Variants in POLE3 observed in about 807,000 individuals in gnomAD.
The protein encoded by POLE3 is DNA polymerase epsilon subunit 3.
POLE3 carries 10 observed loss-of-function variants against 16.1 expected under a neutral mutation model. That is an observed-to-expected ratio of 0.62 (90% confidence interval 0.38 to 1.05). The LOEUF (loss-of-function observed/expected upper bound fraction) is 1.05. Among genes scored for constraint, POLE3 ranks in the 50% least tolerant of loss-of-function variants. The pLI is 0.01. For synonymous variants in POLE3, 83 were observed against 71.0 expected (o/e 1.17, Z -0.85); for missense variants, 169 against 185.0 (o/e 0.91, Z 0.50).
chr9:113,410,027 G>C, intron 3 of POLE3, 28 bp downstream of exon 3: 1 of 1,531,224 alleles, frequency 6.5e-7, no homozygotes, highest in Non-Finnish European at 8.8e-7. Context: ...GTATCCCCGC[G>C]CCTCCCTTAT....
rs373835923 is a variant in POLE3 at position 113,410,340 on chromosome 9, C to G, written c.-47G>C. The stretch of plus-strand genomic sequence containing the variant: ...TCCCCTTCGCCTCCGCTTCAGGGAG[C>G]TACTGCGTCCGGACTTCCCGCGTCG... On this transcript the variant is annotated 5_prime_UTR_variant, in exon 2 of 5. Transcript: ENST00000374171. 9.1e-5 allele frequency: 142 copies of G among 1,564,474 alleles called. 1 individual carries two copies. The highest frequency in any genetic ancestry group is 7.8e-4 in the South Asian group (69 of 88,290).
chr9:113,408,099 G>T lies in POLE3; in HGVS notation c.*712C>A, dbSNP rs1032212052. 6.6e-6 allele frequency: 1 copy of T among 152,392 alleles called. No individual in the cohort carries two copies. The highest frequency in any genetic ancestry group is 1.5e-5 in the Non-Finnish European group (1 of 68,060). 9.4% of individuals were successfully genotyped at this position (152,392 alleles called of 1,614,324 possible). ...CACTATGCCATCTGTTTTTGTAAAAGACACTGGCACCATGTTTGACTAATA... is the reference window on the plus strand; with the variant it reads ...CACTATGCCATCTGTTTTTGTAAAATACACTGGCACCATGTTTGACTAATA... On this transcript the variant is annotated 3_prime_UTR_variant, in exon 5 of 5. Transcript: ENST00000374171.
intron 4 of POLE3, 51 bp from the exon 5 acceptor site, chr9:113,409,034 C>G (rs527675611): frequency 5.2e-6 from 8 of 1,538,844 alleles, no homozygotes; most frequent in Non-Finnish European, 5.4e-6. Context: ...GTGAGCCAGA[C>G]GGACTGCAGG....
At chr9:113,409,332 C>T (rs914913514) in intron 4 of POLE3, among the ~76,000 whole-genome samples, 1 of 131,252 alleles carries the variant, frequency 7.6e-6, no homozygotes, top group Non-Finnish European at 1.5e-5. Context: ...TGCACTCCAG[C>T]TTGGGTGACA....
In POLE3 at chr9:113,410,332, T is replaced by G. The variant is rs753301079; in HGVS notation, c.-39A>C. ...GCTTAAACTCCCCTTCGCCTCCGCT[T>G]CAGGGAGCTACTGCGTCCGGACTTC... On this transcript the variant is annotated 5_prime_UTR_variant, in exon 2 of 5. Coordinates refer to ENST00000374171, the MANE Select transcript of POLE3 (RefSeq NM_017443.5). 1.3e-6 allele frequency: 2 copies of G among 1,590,560 alleles called. No homozygotes were observed. The highest frequency in any genetic ancestry group is 1.7e-6 in the Non-Finnish European group (2 of 1,164,134).
rs1358205850 is a variant in POLE3, at chr9:113,410,152, C to T, written c.67-12G>A. ...ACACCGTCCGGGAGCTGCGAGGAGA[C>T]CGGGGGTGAGCAAAGCTGCCGTTCC... On this transcript the variant is annotated splice_polypyrimidine_tract_variant and intron_variant, in intron 2 of 4. Coordinates refer to ENST00000374171, the MANE Select transcript of POLE3 (RefSeq NM_017443.5). 6.2e-7 allele frequency: 1 copy of T among 1,603,400 alleles called. No homozygotes were observed. Among genetic ancestry groups the T allele is most frequent in the Non-Finnish European group, 8.5e-7 (1 of 1,175,414 alleles).
Position 113,409,003 on chromosome 9 carries a change from G to C in POLE3, c.272-20C>G, listed in dbSNP as rs368488595. The C allele has an allele frequency of 1.2e-6, 2 of 1,610,578 alleles. No homozygotes were observed. Among genetic ancestry groups the C allele is most frequent in the African/African-American group, 2.7e-5 (2 of 74,748 alleles). On this transcript the variant is annotated intron_variant, in intron 4 of 4. Transcript: ENST00000374171. ...TATATGCTGTAAGGACGGAACAAGG[G>C]GTTAGGAGACAGAGCTGAAAGTGAG...
At chr9:113,409,759 T>C (rs760253144) in intron 3 of POLE3, 31 bp from the exon 4 acceptor site, 3 of 1,422,942 alleles carry the variant, frequency 2.1e-6, no homozygotes, top group Non-Finnish European at 3.0e-6. Flanking sequence ...TCAGACTCCC[T>C]CTTGTTTGTA....
Position 113,410,349 on chromosome 9 carries a change from C to A in POLE3, c.-56G>T. On this transcript the variant is annotated 5_prime_UTR_variant, in exon 2 of 5. Coordinates refer to ENST00000374171, the MANE Select transcript of POLE3 (RefSeq NM_017443.5). ...CCTCCGCTTCAGGGAGCTACTGCGT[C>A]CGGACTTCCCGCGTCGCTACGGTCT... 1 of 1,522,862 alleles carries A rather than the reference C, an allele frequency of 6.6e-7. No individual in the cohort carries two copies. The highest frequency in any genetic ancestry group is 9.0e-7 in the Non-Finnish European group (1 of 1,110,222). 94.3% of individuals were successfully genotyped at this position (1,522,862 alleles called of 1,614,324 possible). A position where few individuals can be genotyped will look rare whatever the true frequency, so the allele number is the denominator to read the frequency against.
At chr9:113,409,763 G>A in intron 3 of POLE3, 35 bp from the exon 4 acceptor site, 1 of 1,362,744 alleles carries the variant, frequency 7.3e-7, no homozygotes, top group South Asian at 1.2e-5. Flanking sequence ...ACTCCCTCTT[G>A]TTTGTAAGGC....
chr9:113,410,484 G>C, intron 1 of POLE3, 76 bp from the exon 2 acceptor site: 2 of 608,800 alleles, frequency 3.3e-6, no homozygotes, highest in Non-Finnish European at 2.9e-6. Context: ...CTCAAATACC[G>C]GCGCATCCGG....
intron 4 of POLE3, 27 bp from the exon 5 acceptor site, chr9:113,409,010 A>G: frequency 6.2e-7 from 1 of 1,607,876 alleles, no homozygotes; most frequent in South Asian, 1.1e-5. Context: ...AGGGGTTAGG[A>G]GACAGAGCTG....
At position 113,407,923 on chromosome 9, in the gene POLE3, T is replaced by G. The variant is rs1827974789; in HGVS notation, c.*888A>C. ...AAAGCTGTGCCTAGAGAAAATCAAG[T>G]TTGGCACTCGTCATGAATTGAAGAA... On this transcript the variant is annotated 3_prime_UTR_variant, in exon 5 of 5. Coordinates refer to ENST00000374171, the MANE Select transcript of POLE3 (RefSeq NM_017443.5). 6.6e-6 allele frequency: 1 copy of G among 152,632 alleles called. No homozygotes were observed. 9.5% of individuals were successfully genotyped at this position (152,632 alleles called of 1,614,324 possible). A position where few individuals can be genotyped will look rare whatever the true frequency, so the allele number is the denominator to read the frequency against.
At chr9:113,409,879 A>T in intron 3 of POLE3, 151 bp from the exon 4 acceptor site, 1 of 755,018 alleles carries the variant, frequency 1.3e-6, no homozygotes, top group Non-Finnish European at 2.2e-6. Context: ...TGCACAAAAA[A>T]GCTAAAGCAA....
rs769487091 is a variant in POLE3 at position 113,410,145 on chromosome 9, G to A, written c.67-5C>T. 10 of 1,601,778 alleles carry A rather than the reference G, an allele frequency of 6.2e-6. No individual in the cohort carries two copies. Among genetic ancestry groups the A allele is most frequent in the Admixed American group, 1.7e-5 (1 of 58,066 alleles). ...GATGTTGACACCGTCCGGGAGCTGC[G>A]AGGAGACCGGGGGTGAGCAAAGCTG... On this transcript the variant is annotated splice_polypyrimidine_tract_variant and splice_region_variant and intron_variant, in intron 2 of 4. Transcript: ENST00000374171.
chr9:113,410,321 T>C lies in POLE3; in HGVS notation c.-28A>G. On this transcript the variant is annotated 5_prime_UTR_variant, in exon 2 of 5. Coordinates refer to ENST00000374171, the MANE Select transcript of POLE3 (RefSeq NM_017443.5). Reference sequence around the variant, plus strand: ...CCGCCGCTGGGGCTTAAACTCCCCTTCGCCTCCGCTTCAGGGAGCTACTGC... The same window carrying C: ...CCGCCGCTGGGGCTTAAACTCCCCTCCGCCTCCGCTTCAGGGAGCTACTGC... The C allele has an allele frequency of 6.2e-7, 1 of 1,605,592 alleles. No individual in the cohort carries two copies. Among genetic ancestry groups the C allele is most frequent in the Non-Finnish European group, 8.5e-7 (1 of 1,175,444 alleles).
chr9:113,409,925 T>A (rs953097075), intron 3 of POLE3, 130 bp downstream of exon 3: 7 of 817,260 alleles, frequency 8.6e-6, no homozygotes, highest in Non-Finnish European at 1.3e-5. Flanking sequence ...TCAGAACTTG[T>A]AAAAACTGGC....
chr9:113,410,746 T>G, upstream of POLE3: 2 of 209,616 alleles, frequency 9.5e-6, no homozygotes, highest in Non-Finnish European at 1.9e-5. Flanking sequence ...CGGATCCCTT[T>G]AGGACCCGAG....
In POLE3 at chr9:113,410,132, G is replaced by A; in HGVS notation, c.75C>T (p.Asp25=). ...ITRIIKEALP[D]GVNISKEARS... ...GGGCCTCCTTGGAGATGTTGACACC[G>A]TCCGGGAGCTGCGAGGAGACCGGGG... The change falls in exon 3 of 5, where the codon GAC becomes GAT. Residue 25 remains aspartate, a synonymous_variant. Transcript: ENST00000374171. 1.9e-6 allele frequency: 3 copies of A among 1,598,134 alleles called. No individual in the cohort carries two copies. The highest frequency in any genetic ancestry group is 1.7e-6 in the Non-Finnish European group (2 of 1,172,824).
Sources: gnomAD v4.1 joint callset for allele counts (sites outside exome capture counted in the v4.1 genomes callset) on GRCh38, gnomAD v4.1.1 for gene constraint, MANE v1.5 for transcripts, NCBI Gene and HGNC (gene_info 2026-07-23, HGNC 2026-07-21) for gene names.